Variants in ITGB3 observed in about 807,000 individuals in gnomAD.
ITGB3 encodes the protein integrin subunit beta 3, also known as integrin beta-3.
ITGB3 carries 48 observed loss-of-function variants against 85.8 expected under a neutral mutation model. The observed-to-expected ratio is 0.56, with a 90% CI of 0.44 to 0.71. ITGB3 has a LOEUF of 0.71. Among genes scored for constraint, ITGB3 ranks in the 30% least tolerant of loss-of-function variants. The probability of loss-of-function intolerance (pLI) is 0.00; values close to 1 mark genes in which losing one functional copy is unlikely to be tolerated. For missense variants in ITGB3, 861 were observed against 1,019.1 expected, an observed-to-expected ratio of 0.84 and a Z score of 2.11; for synonymous variants, 363 against 395.6, an observed-to-expected ratio of 0.92 and a Z score of 0.98.
At chr17:47,271,206 C>G (rs2065043163) in intron 1 of ITGB3, among the ~76,000 whole-genome samples, 1 of 152,098 alleles carries the variant, frequency 6.6e-6, no homozygotes, top group South Asian at 2.1e-4. Context: ...CACCCATGGC[C>G]ACACTATTAG....
chr17:47,292,771 A>G (rs1264162873), intron 10 of ITGB3, among the ~76,000 whole-genome samples: 1 of 152,220 alleles, frequency 6.6e-6, no homozygotes, highest in Non-Finnish European at 1.5e-5. Flanking sequence ...TTAAATTTTT[A>G]GCATTTATAG....
At chr17:47,255,422 TTTTG>T (rs936707341) in intron 1 of ITGB3, among the ~76,000 whole-genome samples, 5 of 152,200 alleles carry the variant, frequency 3.3e-5, no homozygotes, top group South Asian at 2.1e-4. Context: ...GGATATCTTT[TTTTG>T]TTTGTTTGTT....
intron 1 of ITGB3, chr17:47,259,447 T>C (rs1240413661): frequency 6.6e-6 from 1 of 152,136 alleles, no homozygotes; most frequent in African/African-American, 2.4e-5. Context: ...TTTTCTGTCA[T>C]GTTCCCATGA....
At chr17:47,284,313 A>C in intron 3 of ITGB3, 130 bp from the exon 4 acceptor site, 1 of 1,001,352 alleles carries the variant, frequency 1.0e-6, no homozygotes, top group Non-Finnish European at 1.5e-6. Flanking sequence ...TTGCAAAGGA[A>C]GAGGAAAAGG....
At chr17:47,283,247 A>G in intron 2 of ITGB3, 107 bp from the exon 3 acceptor site, 2 of 1,033,882 alleles carry the variant, frequency 1.9e-6, no homozygotes, top group Non-Finnish European at 1.5e-6. Context: ...TTATGCTCCA[A>G]TGTACGGGGT....
chr17:47,285,676 G>GTAAGGTTCCCAGGCAAGACATCAGCTAT, intron 4 of ITGB3, among the ~76,000 whole-genome samples: 2 of 152,138 alleles, frequency 1.3e-5, no homozygotes. Flanking sequence ...TATCTGGGTT[G>GTAAGGTTCCCAGGCAAGACATCAGCTAT]TAAGGTTCCC....
intron 6 of ITGB3, 71 bp from the exon 7 acceptor site, chr17:47,289,605 CAAGAT>C: frequency 9.4e-7 from 1 of 1,065,022 alleles, no homozygotes; most frequent in East Asian, 2.4e-5. Flanking sequence ...ACAGCCCAAG[CAAGAT>C]AAGTTCTAAG....
At chr17:47,290,838 T>A (rs1442683841) in intron 8 of ITGB3, 116 bp from the exon 9 acceptor site, 23 of 1,235,454 alleles carry the variant, frequency 1.9e-5, no homozygotes, top group Non-Finnish European at 2.7e-5. Flanking sequence ...CCTCTGGCAC[T>A]GCTGGGGTGA....
chr17:47,300,653 A>G (rs572176540), intron 12 of ITGB3, 75 bp downstream of exon 12: 1 of 1,070,070 alleles, frequency 9.3e-7, no homozygotes, highest in Non-Finnish European at 1.4e-6. Flanking sequence ...AACCTATCCA[A>G]CTCCCACCTG....
At position 47,253,888 on chromosome 17, in the gene ITGB3, G is replaced by T; in HGVS notation, c.27G>T (p.Pro9=). MRARPRPR[P]LWATVLALGA... is the part of the protein sequence containing the mutation. ...TGCGAGCGCGGCCGCGGCCCCGGCC[G>T]CTCTGGGCGACTGTGCTGGCGCTGG... Residue 9 remains proline, a synonymous_variant, in exon 1 of 15, where the codon CCG becomes CCT. Coordinates refer to ENST00000559488, the MANE Select transcript of ITGB3 (RefSeq NM_000212.3). 7.7e-7 allele frequency: 1 copy of T among 1,305,656 alleles called. No individual in the cohort carries two copies. The highest frequency in any genetic ancestry group is 9.8e-7 in the Non-Finnish European group (1 of 1,024,746). 80.9% of individuals were successfully genotyped at this position (1,305,656 alleles called of 1,614,324 possible).
intron 13 of ITGB3, chr17:47,305,726 A>C (rs951246016): frequency 6.6e-6 from 1 of 152,212 alleles, no homozygotes; most frequent in Non-Finnish European, 1.5e-5. Flanking sequence ...AATGCAAAAA[A>C]TGTCATTAGG....
intron 2 of ITGB3, among the ~76,000 whole-genome samples, chr17:47,276,282 C>G (rs918867077): frequency 1.3e-5 from 2 of 152,212 alleles, no homozygotes; most frequent in Non-Finnish European, 2.9e-5. Context: ...CCCTCTTGAT[C>G]TGTATAGGGA....
chr17:47,271,333 G>C (rs1733983467), intron 1 of ITGB3, among the ~76,000 whole-genome samples: 1 of 152,162 alleles, frequency 6.6e-6, no homozygotes. Flanking sequence ...AATTTTAACA[G>C]AGTTAAAAGT....
At chr17:47,295,135 C>T (rs1009786091) in intron 10 of ITGB3, among the ~76,000 whole-genome samples, 17 of 152,240 alleles carry the variant, frequency 1.1e-4, no homozygotes, top group South Asian at 2.1e-4. Context: ...AGGATAATTC[C>T]CAACATGAGG....
At chr17:47,293,620 T>A (rs1190607512) in intron 10 of ITGB3, among the ~76,000 whole-genome samples, 1 of 152,126 alleles carries the variant, frequency 6.6e-6, no homozygotes, top group East Asian at 1.9e-4. Context: ...GGGTTCTTTT[T>A]TTTTTTTGAG....
rs770653879 is a variant in ITGB3, at chr17:47,283,542, C to G, written c.354C>G (p.Leu118=). ...GTCCCCAGAGGATTGCACTCCGGCTCCGGCCAGGTAGGGCTGGGACTCTTT... is the reference window on the plus strand; with the variant it reads ...GTCCCCAGAGGATTGCACTCCGGCTGCGGCCAGGTAGGGCTGGGACTCTTT... The part of the protein sequence containing the change: ...QVSPQRIALR[L]RPDDSKNFSI... The change falls in exon 3 of 15, where the codon CTC becomes CTG. Residue 118 remains leucine, a synonymous_variant. Transcript: ENST00000559488. The G allele has an allele frequency of 1.2e-6, 2 of 1,614,166 alleles. No homozygotes were observed. Among genetic ancestry groups the G allele is most frequent in the South Asian group, 1.1e-5 (1 of 91,076 alleles).
Position 47,287,101 on chromosome 17 carries a change from A to C in ITGB3, c.809A>C (p.His270Pro). The C allele has an allele frequency of 6.2e-7, 1 of 1,614,068 alleles. No homozygotes were observed. Among genetic ancestry groups the C allele is most frequent in the Non-Finnish European group, 8.5e-7 (1 of 1,179,966 alleles). ...EKIGWRNDASHLLVFTTDAKT... is the reference protein window; with the variant it reads ...EKIGWRNDASPLLVFTTDAKT... Reference sequence around the variant, plus strand: ...ATTGGCTGGAGGAATGATGCATCCCACTTGCTGGTGTTTACCACTGATGCC... The same window carrying C: ...ATTGGCTGGAGGAATGATGCATCCCCCTTGCTGGTGTTTACCACTGATGCC... The change falls in exon 6 of 15, where the codon CAC becomes CCC. Residue 270 changes from histidine to proline, a missense_variant. Transcript: ENST00000559488.
At chr17:47,292,747 C>T (rs892874117) in intron 10 of ITGB3, among the ~76,000 whole-genome samples, 179 bp downstream of exon 10, 1 of 152,102 alleles carries the variant, frequency 6.6e-6, no homozygotes, top group Non-Finnish European at 1.5e-5. Flanking sequence ...AAAAAAGTTA[C>T]TGATAGATGG....
intron 14 of ITGB3, among the ~76,000 whole-genome samples, chr17:47,308,262 T>C (rs1320916439): frequency 6.6e-6 from 1 of 151,806 alleles, no homozygotes; most frequent in African/African-American, 2.4e-5. Context: ...AATAAGCATT[T>C]ACTGAGAACT....
Sources: gnomAD v4.1 joint callset for allele counts (sites outside exome capture counted in the v4.1 genomes callset) on GRCh38, gnomAD v4.1.1 for gene constraint, MANE v1.5 for transcripts, NCBI Gene and HGNC (gene_info 2026-07-23, HGNC 2026-07-21) for gene names.